The following SLC9B1 variants were observed in gnomAD, a reference collection of about 807,000 sequenced individuals.
SLC9B1 encodes sodium/hydrogen exchanger 9B1.
Under a neutral mutation model 51.7 loss-of-function variants are expected in SLC9B1, and 32 were observed. That is an observed-to-expected ratio of 0.62 (90% CI 0.47 to 0.83). The LOEUF is 0.83. Among genes scored for constraint, SLC9B1 ranks in the 40% least tolerant of loss-of-function variants. The pLI is 0.00. For missense variants in SLC9B1, 406 were observed against 613.2 expected (o/e 0.66, Z 3.57); for synonymous variants, 145 against 212.7 (o/e 0.68, Z 2.77).
At chr4:103,010,103 G>A (rs983806484) in intron 1 of SLC9B1, among the ~76,000 whole-genome samples, 1 of 152,164 alleles carries the variant, frequency 6.6e-6, no homozygotes, top group Non-Finnish European at 1.5e-5. Context: ...CCTAGATCTT[G>A]TTGCCACAAT....
intron 3 of SLC9B1, among the ~76,000 whole-genome samples, chr4:102,972,169 C>A (rs1040320415): frequency 1.3e-5 from 2 of 152,166 alleles, no homozygotes; most frequent in Non-Finnish European, 2.9e-5. Flanking sequence ...GATACCAAAG[C>A]CTGGCAGAGA....
At chr4:102,966,594 A>T (rs1327995305) in intron 3 of SLC9B1, among the ~76,000 whole-genome samples, 2 of 152,322 alleles carry the variant, frequency 1.3e-5, no homozygotes, top group East Asian at 3.9e-4. Context: ...GCAGGATCTC[A>T]AAACAGCACA....
exon 12 of SLC9B1, chr4:102,885,101 T>C: frequency 2.4e-6 from 2 of 846,606 alleles, no homozygotes; most frequent in Non-Finnish European, 4.0e-6. Context: ...ATGGATCCAT[T>C]AAAAAGGAAT....
At chr4:102,926,953 A>G (rs1338923780) in intron 7 of SLC9B1, among the ~76,000 whole-genome samples, 1 of 152,216 alleles carries the variant, frequency 6.6e-6, no homozygotes, top group African/African-American at 2.4e-5. Context: ...CCACACATCT[A>G]CAGCCATCTG....
chr4:102,912,344 G>T (rs1194914823), intron 7 of SLC9B1, among the ~76,000 whole-genome samples: 1 of 151,938 alleles, frequency 6.6e-6, no homozygotes, highest in East Asian at 1.9e-4. Context: ...AAACATTCAA[G>T]GGTCAATTAA....
intron 7 of SLC9B1, among the ~76,000 whole-genome samples, chr4:102,914,669 T>C (rs1735497474): frequency 6.6e-6 from 1 of 152,150 alleles, no homozygotes; most frequent in Non-Finnish European, 1.5e-5. Flanking sequence ...AACAGAAGAC[T>C]AGTCATTTGA....
intron 1 of SLC9B1, among the ~76,000 whole-genome samples, chr4:103,010,547 A>G (rs1741039267): frequency 6.6e-6 from 1 of 152,196 alleles, no homozygotes; most frequent in Admixed American, 6.5e-5. Flanking sequence ...TAATTTATAA[A>G]TAACAAAAAT....
At position 102,900,997 on chromosome 4, in the gene SLC9B1, T is replaced by C. The variant is rs1248778732; in HGVS notation, c.*120A>G. On this transcript the variant is annotated 3_prime_UTR_variant, in exon 12 of 12. Coordinates refer to ENST00000296422, the MANE Select transcript of SLC9B1 (RefSeq NM_139173.4). ...GTCCAAGAAAAGCCCTGTACTGAAA[T>C]CACATGTTTACTAAATCCTGGATTC... 6.6e-7 allele frequency: 1 copy of C among 1,513,952 alleles called. No homozygotes were observed. Among genetic ancestry groups the C allele is most frequent in the African/African-American group, 1.4e-5 (1 of 71,636 alleles). The allele number at this position is 1,513,952 out of a possible 1,614,324, so 93.8% of individuals were successfully genotyped here.
chr4:102,931,569 T>A (rs557534624), intron 7 of SLC9B1, among the ~76,000 whole-genome samples: 2 of 152,360 alleles, frequency 1.3e-5, no homozygotes, highest in East Asian at 3.8e-4. Context: ...ACATTGCAGA[T>A]AATTAAAGCA....
chr4:102,916,480 A>G (rs879897657), intron 7 of SLC9B1, among the ~76,000 whole-genome samples: 1 of 152,256 alleles, frequency 6.6e-6, no homozygotes, highest in Non-Finnish European at 1.5e-5. Flanking sequence ...ACAACATCAT[A>G]ATAACAGAAA....
intron 3 of SLC9B1, among the ~76,000 whole-genome samples, chr4:102,979,044 G>T (rs6533050): frequency 0.55 from 83,078 of 151,948 alleles, 23,276 homozygotes; most frequent in African/African-American, 0.68. Context: ...TTCTACTTAT[G>T]ACAGGGTAAA....
intron 1 of SLC9B1, among the ~76,000 whole-genome samples, chr4:103,018,068 C>T (rs1257332240): frequency 6.6e-6 from 1 of 152,198 alleles, no homozygotes; most frequent in Non-Finnish European, 1.5e-5. Context: ...ATATATTACA[C>T]TATGTTCCAG....
chr4:102,925,267 A>G (rs10031181), intron 7 of SLC9B1, among the ~76,000 whole-genome samples: 82,522 of 151,822 alleles, frequency 0.54, 22,973 homozygotes, highest in African/African-American at 0.68. Context: ...ACATGGATGA[A>G]GCTAGAAACC....
chr4:102,928,049 G>C (rs1198355745), intron 7 of SLC9B1, among the ~76,000 whole-genome samples: 2 of 151,806 alleles, frequency 1.3e-5, no homozygotes, highest in Non-Finnish European at 2.9e-5. Flanking sequence ...ACACAGGGCT[G>C]GGAACATCAC....
chr4:102,892,776 A>G (rs542313738), intron 11 of SLC9B1: 1 of 152,224 alleles, frequency 6.6e-6, no homozygotes, highest in Non-Finnish European at 1.5e-5. Flanking sequence ...ACCCTGTACT[A>G]GTGAGAAAAT....
chr4:102,931,068 T>C (rs1428663421), intron 7 of SLC9B1, among the ~76,000 whole-genome samples: 1 of 151,016 alleles, frequency 6.6e-6, no homozygotes, highest in Non-Finnish European at 1.5e-5. Flanking sequence ...ACTAAAAATA[T>C]AAAAAAAATT....
intron 11 of SLC9B1, chr4:102,889,636 TTC>T (rs1491069256): frequency 2.0e-5 from 3 of 152,220 alleles, no homozygotes; most frequent in African/African-American, 4.8e-5. Flanking sequence ...TAAAGACTTT[TTC>T]CCTGCCACAT....
intron 1 of SLC9B1, among the ~76,000 whole-genome samples, chr4:103,012,861 G>A (rs886374913): frequency 5.9e-5 from 9 of 152,220 alleles, no homozygotes; most frequent in Admixed American, 5.2e-4. Flanking sequence ...AAAAGTCCTA[G>A]CTAGCTGTCC....
chr4:102,980,639 T>C (rs898632269), intron 3 of SLC9B1, among the ~76,000 whole-genome samples: 15 of 152,218 alleles, frequency 9.9e-5, no homozygotes, highest in African/African-American at 3.6e-4. Flanking sequence ...CTGAGCTTAA[T>C]ACCTAGGTGA....
Sources: gnomAD v4.1 joint callset for allele counts (sites outside exome capture counted in the v4.1 genomes callset) on GRCh38, gnomAD v4.1.1 for gene constraint, MANE v1.5 for transcripts, NCBI Gene and HGNC (gene_info 2026-07-23, HGNC 2026-07-21) for gene names.